The following RNF32 variants were observed in gnomAD, a reference collection of about 807,000 sequenced individuals.
RNF32 encodes the protein ring finger protein 32.
Under a neutral mutation model 41.0 loss-of-function variants are expected in RNF32, and 36 were observed. The ratio of observed to expected loss-of-function variants is 0.88; its 90% CI spans 0.67 to 1.16. RNF32 has a LOEUF of 1.16. Among genes scored for constraint, RNF32 ranks in the 50% most tolerant of loss-of-function variants. The pLI is 0.00. For synonymous variants in RNF32, 154 were observed against 160.9 expected (o/e 0.96, Z 0.32); for missense variants, 413 against 436.7 (o/e 0.95, Z 0.48).
upstream of RNF32, chr7:156,640,245 A>G (rs1239032731): frequency 2.2e-6 from 1 of 448,492 alleles, no homozygotes; most frequent in East Asian, 7.0e-5. Context: ...GCCCTCGACT[A>G]ACAGCGCAGC....
Position 156,676,960 on chromosome 7 carries a change from C to G in RNF32, c.*305C>G. On this transcript the variant is annotated 3_prime_UTR_variant, in exon 9 of 9. Coordinates refer to ENST00000317955, the MANE Select transcript of RNF32 (RefSeq NM_030936.4). ...AGATATAGCTAGTGTCTGAACGACA[C>G]TCCTTAAAGTAAGTTCCAAATGTAA... The G allele has an allele frequency of 3.4e-6, 1 of 291,472 alleles. No individual in the cohort carries two copies. The highest frequency in any genetic ancestry group is 4.6e-5 in the Admixed American group (1 of 21,708). The allele number at this position is 291,472 out of a possible 1,614,324, so 18.1% of individuals were successfully genotyped here.
At chr7:156,651,164 A>AGCCATTT in intron 3 of RNF32, among the ~76,000 whole-genome samples, 1 of 151,924 alleles carries the variant, frequency 6.6e-6, no homozygotes, top group East Asian at 1.9e-4. Flanking sequence ...ACTCTAAGGC[A>AGCCATTT]GCCATTTTCA....
rs1050839155 is a variant in RNF32 at position 156,670,708 on chromosome 7, G to A, written c.685-4988G>A. Among the ~76,000 whole-genome samples, 1 of 152,124 alleles carries A rather than the reference G, an allele frequency of 6.6e-6. No homozygotes were observed. The highest frequency in any genetic ancestry group is 2.4e-5 in the African/African-American group (1 of 41,422). ...AGGTGAGATGGCATCTCCGTGTGTC[G>A]GGAGAGACCTAACCGCCAGTCTAGA... is the stretch of plus-strand genomic sequence containing the variant. On this transcript the variant is annotated intron_variant, in intron 7 of 8. Transcript: ENST00000317955. This position sits in a 1 kb window ranked among gnomAD's most constrained non-coding sequence, Gnocchi z 4.3.
chr7:156,659,236 G>A (rs1173544345), intron 7 of RNF32: 2 of 1,081,478 alleles, frequency 1.8e-6, no homozygotes, highest in East Asian at 1.3e-4. Context: ...GTGTTGGCCT[G>A]AGAAGAGCTG....
intron 8 of RNF32, chr7:156,676,124 T>C: frequency 3.4e-6 from 3 of 884,752 alleles, no homozygotes; most frequent in South Asian, 3.8e-5. Context: ...TCATGGGCTT[T>C]AGGGTGACGG....
intron 3 of RNF32, chr7:156,646,339 TG>T: frequency 9.3e-7 from 1 of 1,075,346 alleles, no homozygotes; most frequent in Non-Finnish European, 1.3e-6. Flanking sequence ...TACCTTTCCC[TG>T]GTGGTTCCTG....
intron 7 of RNF32, among the ~76,000 whole-genome samples, chr7:156,661,370 A>G (rs1261636705): frequency 1.3e-5 from 2 of 149,466 alleles, no homozygotes; most frequent in Non-Finnish European, 1.5e-5. Context: ...CCCAGGCTGG[A>G]GTGCAGTGGC....
At chr7:156,657,745 A>G (rs972671178) in intron 5 of RNF32, 172 bp downstream of exon 5, 112 of 676,010 alleles carry the variant, frequency 1.7e-4, no homozygotes, top group Admixed American at 6.9e-4. Context: ...CCTATTTTGA[A>G]AATCATGAGT....
At chr7:156,644,827 A>AT in intron 3 of RNF32, 70 bp downstream of exon 3, 2 of 1,436,038 alleles carry the variant, frequency 1.4e-6, no homozygotes, top group Admixed American at 2.2e-5. Context: ...TAATAGTATA[A>AT]TTTTTTATGT....
intron 3 of RNF32, chr7:156,646,650 A>G (rs952048218): frequency 1.5e-5 from 7 of 456,380 alleles, no homozygotes; most frequent in East Asian, 1.5e-4. Flanking sequence ...TTAGGCATCA[A>G]TGAGAACGGA....
intron 4 of RNF32, among the ~76,000 whole-genome samples, chr7:156,655,314 C>T: frequency 6.6e-6 from 1 of 151,192 alleles, no homozygotes; most frequent in African/African-American, 2.4e-5. Flanking sequence ...AGAGAGAATG[C>T]ATATAGGGTT....
intron 3 of RNF32, chr7:156,646,563 G>C: frequency 8.1e-7 from 1 of 1,235,990 alleles, no homozygotes; most frequent in Non-Finnish European, 1.1e-6. Context: ...GGTTCCAGGT[G>C]AATAAGAATT....
intron 3 of RNF32, among the ~76,000 whole-genome samples, chr7:156,645,568 C>A (rs1797876106): frequency 6.6e-6 from 1 of 152,142 alleles, no homozygotes; most frequent in African/African-American, 2.4e-5. Flanking sequence ...AATCTGTGAT[C>A]CTGGATCAGA....
chr7:156,640,558 T>G (rs1401866542), upstream of RNF32: 1 of 391,748 alleles, frequency 2.6e-6, no homozygotes, highest in Non-Finnish European at 5.0e-6. Flanking sequence ...GCTGACGCCG[T>G]GCGCGGGGCG....
intron 8 of RNF32, among the ~76,000 whole-genome samples, chr7:156,676,078 G>T (rs1428707426): frequency 2.6e-5 from 4 of 151,636 alleles, no homozygotes; most frequent in African/African-American, 4.9e-5. Flanking sequence ...GGTAACCGCT[G>T]CCCTAGCTGC....
chr7:156,667,798 A>G (rs1198545686), intron 7 of RNF32, among the ~76,000 whole-genome samples: 2 of 152,234 alleles, frequency 1.3e-5, no homozygotes, highest in African/African-American at 4.8e-5. Flanking sequence ...CTGAATACTC[A>G]AAGCTGTAAG....
intron 7 of RNF32, chr7:156,659,125 C>A (rs1800206933): frequency 1.5e-6 from 2 of 1,345,876 alleles, no homozygotes; most frequent in East Asian, 5.9e-5. Context: ...CATTCCTTGT[C>A]CCCATATGAA....
At chr7:156,651,800 T>C (rs1375513800) in intron 3 of RNF32, among the ~76,000 whole-genome samples, 1 of 152,242 alleles carries the variant, frequency 6.6e-6, no homozygotes, top group Non-Finnish European at 1.5e-5. Context: ...CACTCATCAC[T>C]GATTCATCCC....
chr7:156,648,387 C>T (rs1451610861), intron 3 of RNF32, among the ~76,000 whole-genome samples: 1 of 152,072 alleles, frequency 6.6e-6, no homozygotes, highest in African/African-American at 2.4e-5. Context: ...GGCTCATGAA[C>T]GTGTTGAGAC....
Sources: allele counts gnomAD v4.1 joint callset (sites outside exome capture counted in the v4.1 genomes callset), GRCh38; gene constraint gnomAD v4.1.1; non-coding constraint Gnocchi (gnomAD v3.1); transcripts MANE v1.5; gene names NCBI Gene and HGNC (gene_info 2026-07-23, HGNC 2026-07-21).